MYOF: variants seen among roughly 807,000 people sequenced by gnomAD.
MYOF encodes the protein fer-1-like 3, myoferlin.
Under a neutral mutation model 284.2 loss-of-function variants are expected in MYOF, and 244 were observed. The ratio of observed to expected loss-of-function variants is 0.86; its 90% CI spans 0.77 to 0.95. MYOF has a LOEUF of 0.95. Ranked by LOEUF, MYOF falls within the 40% of genes least tolerant of loss-of-function variation. The pLI is 0.00. For missense variants in MYOF, 2,496 were observed against 2,560.6 expected (o/e 0.97, Z 0.54); for synonymous variants, 904 against 919.7 (o/e 0.98, Z 0.31).
intron 7 of MYOF, among the ~76,000 whole-genome samples, chr10:93,406,288 T>TTATATACATATATATATATATATA (rs1847574381): frequency 3.4e-5 from 2 of 58,128 alleles, no homozygotes; most frequent in Non-Finnish European, 8.5e-5. Flanking sequence ...TAAACCTCTT[T>TTATATACATATATATATATATATA]TATATATATA....
At chr10:93,427,281 T>A (rs1848636591) in intron 4 of MYOF, among the ~76,000 whole-genome samples, 1 of 151,506 alleles carries the variant, frequency 6.6e-6, no homozygotes, top group South Asian at 2.1e-4. Flanking sequence ...GCACTTTTAA[T>A]CCCAGCACTG....
chr10:93,426,260 G>T, intron 4 of MYOF, 102 bp from the exon 5 acceptor site: 4 of 1,157,090 alleles, frequency 3.5e-6, no homozygotes, highest in East Asian at 2.6e-5. Context: ...CTTGGAAGGG[G>T]TAAGAGAGAG....
At chr10:93,385,440 C>G (rs891663548) in intron 19 of MYOF, among the ~76,000 whole-genome samples, 1 of 152,190 alleles carries the variant, frequency 6.6e-6, no homozygotes, top group South Asian at 2.1e-4. Context: ...GTTGCAGCCT[C>G]TTTAGCTTTA....
intron 46 of MYOF, chr10:93,324,174 G>A (rs1329557600): frequency 2.6e-5 from 4 of 152,234 alleles, no homozygotes; most frequent in South Asian, 2.1e-4. Flanking sequence ...GGAATGCCAC[G>A]AAAAAACTAT....
In MYOF at chr10:93,452,151, G is replaced by GA; in HGVS notation, c.145-11dup. The GA allele has an allele frequency of 1.9e-6, 3 of 1,577,282 alleles. No homozygotes were observed. Among genetic ancestry groups the GA allele is most frequent in the Middle Eastern group, 3.4e-4 (2 of 5,966 alleles). On this transcript the variant is annotated splice_polypyrimidine_tract_variant and intron_variant, in intron 2 of 53. Coordinates refer to ENST00000359263, the MANE Select transcript of MYOF (RefSeq NM_013451.4). ...AGTCAAACTCCAAAATCTGTTCACA[G>GA]AAAGGTTTTGAAAAAAGAGAAAAAA...
At chr10:93,425,935 C>T (rs1028402881) in intron 5 of MYOF, 136 bp downstream of exon 5, 1 of 798,448 alleles carries the variant, frequency 1.3e-6, no homozygotes, top group Non-Finnish European at 2.0e-6. Flanking sequence ...GCCCCACCTG[C>T]CTCTCGGGGC....
intron 15 of MYOF, among the ~76,000 whole-genome samples, chr10:93,397,026 CCTT>C (rs1847045830): frequency 1.3e-5 from 2 of 152,080 alleles, no homozygotes; most frequent in South Asian, 4.1e-4. Flanking sequence ...AGCACGTTCC[CCTT>C]CTTTTGTTTA....
chr10:93,401,319 A>G (rs901742672), intron 12 of MYOF, 99 bp downstream of exon 12: 15 of 1,489,178 alleles, frequency 1.0e-5, no homozygotes, highest in African/African-American at 4.2e-5. Flanking sequence ...GAAGAAAAAC[A>G]TACGATAGGG....
At chr10:93,403,472 C>T (rs1847400127) in intron 9 of MYOF, among the ~76,000 whole-genome samples, 1 of 152,200 alleles carries the variant, frequency 6.6e-6, no homozygotes, top group Admixed American at 6.5e-5. Flanking sequence ...AGGGTATGAA[C>T]ACAGGTCTGC....
chr10:93,309,978 T>A, intron 53 of MYOF, 42 bp downstream of exon 53: 1 of 1,612,008 alleles, frequency 6.2e-7, no homozygotes, highest in East Asian at 2.2e-5. Context: ...CAACTGCAAC[T>A]CACAAGAAAG....
chr10:93,335,697 C>G (rs1843569046), intron 41 of MYOF, among the ~76,000 whole-genome samples: 1 of 151,154 alleles, frequency 6.6e-6, no homozygotes, highest in African/African-American at 2.4e-5. Context: ...TCTGGCCCCC[C>G]TCCCCCTTTT....
At chr10:93,353,204 C>T (rs1844608053) in intron 32 of MYOF, among the ~76,000 whole-genome samples, 1 of 152,036 alleles carries the variant, frequency 6.6e-6, no homozygotes, top group Non-Finnish European at 1.5e-5. Flanking sequence ...GACTCAAATC[C>T]CCAGACAGGC....
chr10:93,426,177 T>A lies in MYOF; in HGVS notation c.346-19A>T, dbSNP rs201474909. ...TGGTGGCCTGGGTAGAAATAATTCG[T>A]TGCAAATATTATCAGTGCAGGGCAC... is the stretch of plus-strand genomic sequence containing the variant. On this transcript the variant is annotated intron_variant, in intron 4 of 53. Coordinates refer to ENST00000359263, the MANE Select transcript of MYOF (RefSeq NM_013451.4). 569 of 1,551,458 alleles carry A rather than the reference T, an allele frequency of 3.7e-4. 2 individuals are homozygous for A. The highest frequency in any genetic ancestry group is 1.5e-3 in the Admixed American group (77 of 51,050).
At chr10:93,309,195 TTC>T (rs1362456938) in intron 53 of MYOF, among the ~76,000 whole-genome samples, 5 of 152,180 alleles carry the variant, frequency 3.3e-5, no homozygotes, top group African/African-American at 1.2e-4. Context: ...GGTTGTTTGT[TTC>T]TGTCTCCATA....
chr10:93,475,336 T>C (rs1189363821), intron 1 of MYOF, among the ~76,000 whole-genome samples: 1 of 152,204 alleles, frequency 6.6e-6, no homozygotes, highest in Non-Finnish European at 1.5e-5. Flanking sequence ...CTACGTTTCA[T>C]GTATGAAGGT....
At chr10:93,433,137 A>G (rs1252221246) in intron 3 of MYOF, among the ~76,000 whole-genome samples, 2 of 151,684 alleles carry the variant, frequency 1.3e-5, no homozygotes, top group African/African-American at 4.8e-5. Flanking sequence ...GGACAGAAGA[A>G]ATATTTAGAA....
At chr10:93,373,818 C>T (rs753649751) in intron 23 of MYOF, among the ~76,000 whole-genome samples, 4 of 152,190 alleles carry the variant, frequency 2.6e-5, no homozygotes, top group Non-Finnish European at 5.9e-5. Context: ...CAGCATTTAT[C>T]CAGCACTTAC....
intron 36 of MYOF, 98 bp from the exon 37 acceptor site, chr10:93,347,880 A>G: frequency 7.9e-7 from 1 of 1,263,988 alleles, no homozygotes; most frequent in Non-Finnish European, 1.1e-6. Context: ...TCTCTGCCAC[A>G]CAGCCCAGAG....
intron 1 of MYOF, among the ~76,000 whole-genome samples, chr10:93,477,182 G>T (rs1426049605): frequency 2.0e-5 from 3 of 152,202 alleles, no homozygotes; most frequent in African/African-American, 7.2e-5. Context: ...GCAAGATCCA[G>T]CAAAAGCACC....
Sources: allele counts gnomAD v4.1 joint callset (sites outside exome capture counted in the v4.1 genomes callset), GRCh38; gene constraint gnomAD v4.1.1; transcripts MANE v1.5; gene names NCBI Gene and HGNC (gene_info 2026-07-23, HGNC 2026-07-21).